Variants in CRACD observed in about 807,000 individuals in gnomAD.
The protein encoded by CRACD is capping protein inhibiting regulator of actin dynamics.
CRACD carries 56 observed loss-of-function variants against 106.8 expected under a neutral mutation model. The observed-to-expected ratio is 0.52, with a 90% CI of 0.42 to 0.66. CRACD has a LOEUF of 0.66. Among genes scored for constraint, CRACD ranks in the 30% least tolerant of loss-of-function variants. CRACD has a pLI of 0.00. For synonymous variants in CRACD, 754 were observed against 670.8 expected (o/e 1.12, Z -1.92); for missense variants, 1,730 against 1,623.2 (o/e 1.07, Z -1.13).
intron 1 of CRACD, among the ~76,000 whole-genome samples, chr4:56,079,677 T>A (rs1247172743): frequency 6.6e-6 from 1 of 152,186 alleles, no homozygotes. Context: ...ACTTCTGACT[T>A]CAAGTGATCC....
intron 2 of CRACD, among the ~76,000 whole-genome samples, chr4:56,203,350 A>G (rs546766442): frequency 2.0e-5 from 3 of 152,176 alleles, no homozygotes; most frequent in East Asian, 1.9e-4. Flanking sequence ...GTGACTCCTC[A>G]CAATATACTC....
At chr4:56,083,665 T>TG in intron 1 of CRACD, among the ~76,000 whole-genome samples, 1 of 152,284 alleles carries the variant, frequency 6.6e-6, no homozygotes, top group Non-Finnish European at 1.5e-5. Flanking sequence ...TTCTTAAAAT[T>TG]GGTTATTGGT....
intron 1 of CRACD, among the ~76,000 whole-genome samples, chr4:56,076,905 C>T (rs1214552765): frequency 6.6e-6 from 1 of 152,166 alleles, no homozygotes; most frequent in South Asian, 2.1e-4. Context: ...ATAACTTGAA[C>T]ATAGGTTTTT....
intron 2 of CRACD, among the ~76,000 whole-genome samples, chr4:56,211,239 A>G (rs755283824): frequency 2.6e-5 from 4 of 152,218 alleles, no homozygotes; most frequent in African/African-American, 7.2e-5. Flanking sequence ...GAGCAACTCC[A>G]TCTTGAATAG....
At chr4:56,131,567 T>A (rs988297284) in intron 1 of CRACD, among the ~76,000 whole-genome samples, 1 of 152,210 alleles carries the variant, frequency 6.6e-6, no homozygotes, top group African/African-American at 2.4e-5. Context: ...TAGGGCCTGC[T>A]CTTGTGAACA....
At chr4:56,324,694 G>T (rs951741852) in intron 10 of CRACD, among the ~76,000 whole-genome samples, 1 of 152,196 alleles carries the variant, frequency 6.6e-6, no homozygotes, top group Non-Finnish European at 1.5e-5. Context: ...TTAACTTACA[G>T]AAGAACCTTC....
intron 1 of CRACD, among the ~76,000 whole-genome samples, chr4:56,121,864 A>G (rs1020729769): frequency 6.6e-6 from 1 of 152,252 alleles, no homozygotes; most frequent in Non-Finnish European, 1.5e-5. Context: ...TATATGATTA[A>G]TACTTGACAG....
intron 5 of CRACD, chr4:56,308,801 G>A: frequency 1.6e-6 from 2 of 1,273,910 alleles, no homozygotes; most frequent in Non-Finnish European, 2.0e-6. Context: ...CCAGTGCTAG[G>A]CAGAAGCAAC....
chr4:56,119,918 C>A (rs538503967), intron 1 of CRACD, among the ~76,000 whole-genome samples: 1 of 152,244 alleles, frequency 6.6e-6, no homozygotes, highest in Non-Finnish European at 1.5e-5. Context: ...CTCCAAAACA[C>A]AAGCATTGTT....
At chr4:56,133,363 G>T (rs1560460319) in intron 1 of CRACD, among the ~76,000 whole-genome samples, 2 of 152,128 alleles carry the variant, frequency 1.3e-5, no homozygotes, top group Admixed American at 1.3e-4. Context: ...TGAATTTGCT[G>T]TTGTTGTTTT....
At chr4:56,171,105 A>G (rs906305068) in intron 1 of CRACD, among the ~76,000 whole-genome samples, 2 of 152,198 alleles carry the variant, frequency 1.3e-5, no homozygotes, top group Non-Finnish European at 2.9e-5. Flanking sequence ...GGGCATGGAA[A>G]ATGACAGAGA....
rs371297040 is a variant in CRACD at position 56,141,739 on chromosome 4, G to T, written c.-335-37545G>T. Among the ~76,000 whole-genome samples the T allele has an allele frequency of 2.5e-5, 3 of 119,762 alleles. No homozygotes were observed. In the East Asian group the frequency reaches 8.1e-4, roughly 32 times the overall value. The allele number at this position is 119,762 out of a possible 152,430, so 78.6% of individuals were successfully genotyped here. Reference sequence around the variant, plus strand: ...AACAGAGTCTTACTCTATCACCCACGCTGGGGTGCAGTGCCATGATCGCAG... The same window carrying T: ...AACAGAGTCTTACTCTATCACCCACTCTGGGGTGCAGTGCCATGATCGCAG... On this transcript the variant is annotated intron_variant, in intron 1 of 10. Coordinates refer to ENST00000682029, the MANE Select transcript of CRACD (RefSeq NM_001393381.1).
At chr4:56,140,071 A>G (rs1735140038) in intron 1 of CRACD, among the ~76,000 whole-genome samples, 1 of 152,228 alleles carries the variant, frequency 6.6e-6, no homozygotes, top group Admixed American at 6.5e-5. Flanking sequence ...ATAAAAGTGT[A>G]GTCATCAGAG....
intron 5 of CRACD, among the ~76,000 whole-genome samples, chr4:56,308,037 C>G (rs548858850): frequency 6.6e-6 from 1 of 152,160 alleles, no homozygotes; most frequent in Non-Finnish European, 1.5e-5. Flanking sequence ...ATTTTTCACA[C>G]GTCTGTTCTC....
At chr4:56,055,361 C>G (rs925809513) in intron 1 of CRACD, among the ~76,000 whole-genome samples, 1 of 151,776 alleles carries the variant, frequency 6.6e-6, no homozygotes. Flanking sequence ...AATTGTTAAC[C>G]CCTTGTTAAC....
chr4:56,062,290 A>G (rs1732302033), intron 1 of CRACD, among the ~76,000 whole-genome samples: 1 of 152,218 alleles, frequency 6.6e-6, no homozygotes, highest in African/African-American at 2.4e-5. Context: ...TCTACCTCTT[A>G]TAATCATAAC....
At chr4:56,059,757 T>C (rs1219807828) in intron 1 of CRACD, among the ~76,000 whole-genome samples, 2 of 152,144 alleles carry the variant, frequency 1.3e-5, no homozygotes, top group African/African-American at 4.8e-5. Flanking sequence ...GATCTCAGCT[T>C]ACTGCAACCT....
intron 1 of CRACD, among the ~76,000 whole-genome samples, chr4:56,106,753 G>A (rs545094841): frequency 1.1e-4 from 16 of 152,256 alleles, no homozygotes; most frequent in African/African-American, 3.6e-4. Flanking sequence ...AAGAACGTGA[G>A]GCTATTTAAT....
chr4:56,064,833 G>T (rs1476220041), intron 1 of CRACD, among the ~76,000 whole-genome samples: 1 of 152,084 alleles, frequency 6.6e-6, no homozygotes, highest in African/African-American at 2.4e-5. Flanking sequence ...GCTTTCTACA[G>T]ATTCATCGAA....
Sources: allele counts gnomAD v4.1 joint callset (sites outside exome capture counted in the v4.1 genomes callset), GRCh38; gene constraint gnomAD v4.1.1; transcripts MANE v1.5; gene names NCBI Gene and HGNC (gene_info 2026-07-23, HGNC 2026-07-21).